The following ATG4A variants were observed in gnomAD, a reference collection of about 807,000 sequenced individuals.
ATG4A encodes autophagy related 4A cysteine peptidase.
In ATG4A, 22 loss-of-function variants were observed where a neutral mutation model predicts 38.4. The ratio of observed to expected loss-of-function variants is 0.57; its 90% CI spans 0.41 to 0.82. The LOEUF is 0.82. Among genes scored for constraint, ATG4A ranks in the 40% least tolerant of loss-of-function variants. The pLI is 0.00. For synonymous variants in ATG4A, 86 were observed against 100.7 expected (o/e 0.85, Z 0.88); for missense variants, 220 against 290.0 (o/e 0.76, Z 1.75).
intron 1 of ATG4A, among the ~76,000 whole-genome samples, chrX:108,115,383 A>G (rs1489213739): frequency 3.6e-5 from 4 of 111,549 alleles, no homozygotes; most frequent in African/African-American, 1.3e-4. Flanking sequence ...AGTTATAGAC[A>G]TTTCTGGTCC....
chrX:108,098,807 T>C (rs2031913825), intron 1 of ATG4A, among the ~76,000 whole-genome samples: 1 of 112,224 alleles, frequency 8.9e-6, no homozygotes, highest in African/African-American at 3.2e-5. Flanking sequence ...TCATTCAAAT[T>C]GGTATCAATA....
intron 9 of ATG4A, among the ~76,000 whole-genome samples, chrX:108,140,954 A>G (rs981581227): frequency 6.8e-4 from 63 of 92,368 alleles, no homozygotes; most frequent in Non-Finnish European, 1.1e-3. Context: ...ATACACATAT[A>G]TACATATATA....
intron 9 of ATG4A, among the ~76,000 whole-genome samples, chrX:108,147,764 C>T (rs777761124): frequency 3.6e-5 from 4 of 110,022 alleles, no homozygotes; most frequent in Non-Finnish European, 5.7e-5. Flanking sequence ...CTCTCACGAG[C>T]GATGATTCAG....
At chrX:108,107,239 C>T (rs934500280) in intron 1 of ATG4A, among the ~76,000 whole-genome samples, 2 of 111,336 alleles carry the variant, frequency 1.8e-5, no homozygotes, top group African/African-American at 3.3e-5. Context: ...TGTTCAATCG[C>T]ATAATTTCTA....
intron 1 of ATG4A, among the ~76,000 whole-genome samples, chrX:108,116,659 C>T (rs936009957): frequency 1.8e-5 from 2 of 111,606 alleles, no homozygotes; most frequent in Non-Finnish European, 1.9e-5. Flanking sequence ...TGGGTGTATC[C>T]GAAACCCTTT....
chrX:108,144,896 C>T (rs767215358), intron 9 of ATG4A, among the ~76,000 whole-genome samples: 43 of 112,176 alleles, frequency 3.8e-4, no homozygotes, highest in Non-Finnish European at 2.8e-4. Flanking sequence ...ACCAGGTGCA[C>T]TGCTCGAAGT....
chrX:108,090,668 A>G (rs1359578300), upstream of ATG4A, among the ~76,000 whole-genome samples: 3 of 112,065 alleles, frequency 2.7e-5, no homozygotes, highest in Non-Finnish European at 5.6e-5. Context: ...CCATCTATAA[A>G]TATTTGTGGG....
upstream of ATG4A, chrX:108,091,289 C>G (rs2031608172): frequency 1.6e-6 from 1 of 639,703 alleles, no homozygotes; most frequent in African/African-American, 2.2e-5. Context: ...CTGCTTGGGG[C>G]GGCGGGGGCG....
At chrX:108,132,506 T>G (rs1324560647) in intron 4 of ATG4A, among the ~76,000 whole-genome samples, 2 of 111,823 alleles carry the variant, frequency 1.8e-5, no homozygotes, top group African/African-American at 6.5e-5. Context: ...GCTTGTTACC[T>G]TCTCTTCAGG....
At chrX:108,116,871 C>T (rs1197661990) in intron 1 of ATG4A, among the ~76,000 whole-genome samples, 1 of 112,083 alleles carries the variant, frequency 8.9e-6, no homozygotes, top group East Asian at 2.8e-4. Flanking sequence ...ATTTGCTTAA[C>T]TCTCACTCAT....
At chrX:108,096,228 T>C (rs1277635122) in intron 1 of ATG4A, among the ~76,000 whole-genome samples, 1 of 112,553 alleles carries the variant, frequency 8.9e-6, no homozygotes, top group East Asian at 2.8e-4. Context: ...TTTTGCCTTG[T>C]AATTTTAGGT....
chrX:108,110,792 T>A (rs1371352534), intron 1 of ATG4A, among the ~76,000 whole-genome samples: 1 of 112,793 alleles, frequency 8.9e-6, no homozygotes, highest in East Asian at 2.8e-4. Context: ...ATGTGCGTAT[T>A]GCTTCAAGTA....
intron 9 of ATG4A, among the ~76,000 whole-genome samples, chrX:108,148,229 T>TCTTTCTCTGG (rs2033484951): frequency 9.4e-6 from 1 of 106,708 alleles, no homozygotes; most frequent in Admixed American, 1.0e-4. Flanking sequence ...GAGAAAGACG[T>TCTTTCTCTGG]AGGCTGGGAG....
chrX:108,139,423 A>G (rs1344348261), intron 9 of ATG4A, among the ~76,000 whole-genome samples: 1 of 112,206 alleles, frequency 8.9e-6, no homozygotes, highest in Non-Finnish European at 1.9e-5. Flanking sequence ...GCTTTACCCC[A>G]ATACCTATTT....
At chrX:108,128,934 A>G (rs890708947) in intron 3 of ATG4A, 82 bp downstream of exon 3, 4 of 608,512 alleles carry the variant, frequency 6.6e-6, no homozygotes, top group Non-Finnish European at 1.0e-5. Flanking sequence ...TAGAAACCTC[A>G]GAATTAACAG....
intron 7 of ATG4A, among the ~76,000 whole-genome samples, chrX:108,137,483 C>T (rs1215675329): frequency 8.9e-6 from 1 of 112,540 alleles, no homozygotes; most frequent in Non-Finnish European, 1.9e-5. Flanking sequence ...GTGATTCCTG[C>T]ACTGAGGAGT....
At chrX:108,119,896 T>C (rs748163569) in intron 1 of ATG4A, among the ~76,000 whole-genome samples, 1 of 112,409 alleles carries the variant, frequency 8.9e-6, no homozygotes, top group African/African-American at 3.2e-5. Context: ...TATTTGAGTA[T>C]TGTTGCTTTT....
intron 9 of ATG4A, among the ~76,000 whole-genome samples, chrX:108,148,189 A>G (rs1387463540): frequency 3.8e-5 from 4 of 106,635 alleles, no homozygotes; most frequent in East Asian, 3.0e-4. Context: ...TTGGAGTCCA[A>G]TGTTTGAGGG....
chrX:108,092,066 C>G (rs1013287494), intron 1 of ATG4A, among the ~76,000 whole-genome samples: 1 of 110,885 alleles, frequency 9.0e-6, no homozygotes, highest in African/African-American at 3.3e-5. Context: ...CTACCCTCCC[C>G]CTCCCTGCCA....
Sources: gnomAD v4.1 joint callset for allele counts (sites outside exome capture counted in the v4.1 genomes callset) on GRCh38, gnomAD v4.1.1 for gene constraint, MANE v1.5 for transcripts, NCBI Gene and HGNC (gene_info 2026-07-23, HGNC 2026-07-21) for gene names.